EFCAB12: variants seen among roughly 807,000 people sequenced by gnomAD.
The protein encoded by EFCAB12 is EF-hand calcium binding domain 12.
EFCAB12 carries 43 observed loss-of-function variants against 53.6 expected under a neutral mutation model. The ratio of observed to expected loss-of-function variants is 0.80; its 90% CI spans 0.63 to 1.03. The LOEUF (loss-of-function observed/expected upper bound fraction) is 1.03, where lower values mean the gene tolerates loss of function less well. Ranked by LOEUF, EFCAB12 falls within the 50% of genes least tolerant of loss-of-function variation. The pLI, the probability that EFCAB12 is intolerant of heterozygous loss-of-function variation, is 0.00. For missense variants in EFCAB12, 646 were observed against 730.6 expected (o/e 0.88, Z 1.34); for synonymous variants, 269 against 289.2 (o/e 0.93, Z 0.71).
intron 4 of EFCAB12, chr3:129,413,590 C>T (rs2072074782): frequency 1.3e-5 from 2 of 152,226 alleles, no homozygotes; most frequent in Non-Finnish European, 2.9e-5. Context: ...AACAAAGAGA[C>T]AGAGAAGCAG....
At position 129,411,240 on chromosome 3, in the gene EFCAB12, G is replaced by A. The variant is rs757909257; in HGVS notation, c.953C>T (p.Thr318Met). 7.6e-5 allele frequency: 122 copies of A among 1,613,704 alleles called. No individual in the cohort carries two copies. The highest frequency in any genetic ancestry group is 1.6e-4 in the Middle Eastern group (1 of 6,084). The stretch of plus-strand genomic sequence containing the variant: ...GGTCATGGGCCGCGTCTCCATCTGC[G>A]TGTCGACTGCAGGCACCGTCAGTAG... ...VDLLTVPAVD[T>M]QMETRPMTLE... The change falls in exon 5 of 9, where the codon ACG becomes ATG. Residue 318 changes from threonine (T) to methionine (M), a missense_variant. Coordinates refer to ENST00000505956, the MANE Select transcript of EFCAB12 (RefSeq NM_207307.3).
intron 1 of EFCAB12, among the ~76,000 whole-genome samples, chr3:129,425,524 C>G (rs1456125169): frequency 6.6e-6 from 1 of 152,092 alleles, no homozygotes; most frequent in African/African-American, 2.4e-5. Flanking sequence ...AAGAGCACTG[C>G]ATTCCCCAGG....
rs1450657989 is a variant in EFCAB12, at chr3:129,408,733, G to C, written c.1161C>G (p.Ala387=). 1 of 1,585,942 alleles carries C rather than the reference G, an allele frequency of 6.3e-7. No homozygotes were observed. Among genetic ancestry groups the C allele is most frequent in the East Asian group, 2.3e-5 (1 of 43,590 alleles). The change falls in exon 6 of 9, where the codon GCC becomes GCG. Residue 387 remains alanine, a synonymous_variant. Coordinates refer to ENST00000505956, the MANE Select transcript of EFCAB12 (RefSeq NM_207307.3). ...GGTAGACCAGAAAGTTGTGCCTGCGGGCCGAGTCAATGAGCTCCCTCATAT... is the reference window on the plus strand; with the variant it reads ...GGTAGACCAGAAAGTTGTGCCTGCGCGCCGAGTCAATGAGCTCCCTCATAT... ...HGDMRELIDS[A]RRHNFLVYLQ...
In EFCAB12 at chr3:129,401,841, C is replaced by T. The variant is rs144690112; in HGVS notation, c.1471G>A (p.Val491Met). The change falls in exon 9 of 9, where the codon GTG becomes ATG. Residue 491 changes from valine to methionine, a missense_variant. Val to Met is a conservative substitution (Grantham distance 21). Coordinates refer to ENST00000505956, the MANE Select transcript of EFCAB12 (RefSeq NM_207307.3). ...EFEEFTRKLK[V>M]KRSSGLQQTH... is the part of the protein sequence containing the mutation. ...TGCTGCAGACCACTGGACCTCTTCA[C>T]CTTCAGCTTCCTGGAAAACAAGAAG... 1.2e-6 allele frequency: 2 copies of T among 1,611,168 alleles called. No individual in the cohort carries two copies. The highest frequency in any genetic ancestry group is 1.7e-6 in the Non-Finnish European group (2 of 1,177,782).
intron 4 of EFCAB12, chr3:129,415,041 A>G (rs1184733801): frequency 3.9e-6 from 2 of 509,342 alleles, no homozygotes; most frequent in Non-Finnish European, 6.6e-6. Context: ...GAATGGACAC[A>G]GTGGTAGCTG....
chr3:129,410,523 G>T (rs2072022906), intron 5 of EFCAB12, among the ~76,000 whole-genome samples: 1 of 152,068 alleles, frequency 6.6e-6, no homozygotes, highest in Admixed American at 6.6e-5. Context: ...TCCCTATGTT[G>T]CCTAGGATGG....
At chr3:129,425,009 A>C (rs1210676311) in intron 1 of EFCAB12, among the ~76,000 whole-genome samples, 1 of 152,166 alleles carries the variant, frequency 6.6e-6, no homozygotes, top group East Asian at 1.9e-4. Context: ...GGGAAAGGTC[A>C]GGAGTGGGAT....
chr3:129,405,856 T>C (rs1443013952), intron 6 of EFCAB12, among the ~76,000 whole-genome samples: 2 of 152,192 alleles, frequency 1.3e-5, no homozygotes, highest in African/African-American at 4.8e-5. Flanking sequence ...GATGCTCCTG[T>C]GTGCCCATGA....
At chr3:129,423,446 G>A (rs2072213804) in intron 1 of EFCAB12, among the ~76,000 whole-genome samples, 1 of 151,796 alleles carries the variant, frequency 6.6e-6, no homozygotes, top group African/African-American at 2.4e-5. Flanking sequence ...GGGCAAAATA[G>A]TGAGACCTCA....
rs141061604 is a variant in EFCAB12, at chr3:129,423,125, G to GT, written c.50-1323dup. The stretch of plus-strand genomic sequence containing the variant: ...GCCTAGAGAGGCCCAAGGTCACTCA[G>GT]TTGATTAGTAGCAGAGCTGAGACAT... On this transcript the variant is annotated intron_variant, in intron 1 of 8. Coordinates refer to ENST00000505956, the MANE Select transcript of EFCAB12 (RefSeq NM_207307.3). Among the ~76,000 whole-genome samples the GT allele has an allele frequency of 3.4e-3, 511 of 152,350 alleles. 9 individuals are homozygous for GT. Among genetic ancestry groups the GT allele is most frequent in the African/African-American group, 0.01 (423 of 41,584 alleles).
At chr3:129,414,254 T>A (rs933261699) in intron 4 of EFCAB12, 2 of 152,244 alleles carry the variant, frequency 1.3e-5, no homozygotes, top group African/African-American at 4.8e-5. Context: ...GAGGAATGGA[T>A]GCTCTGAGCT....
At chr3:129,425,917 A>T (rs2072265113) in intron 1 of EFCAB12, among the ~76,000 whole-genome samples, 1 of 152,184 alleles carries the variant, frequency 6.6e-6, no homozygotes. Flanking sequence ...ACTGCTAGAA[A>T]ATATTTCCTT....
chr3:129,419,266 T>G (rs1373710714), intron 2 of EFCAB12, among the ~76,000 whole-genome samples: 2 of 152,222 alleles, frequency 1.3e-5, no homozygotes, highest in African/African-American at 2.4e-5. Flanking sequence ...TATAATTAAT[T>G]TACATTATTA....
chr3:129,415,273 T>C lies in EFCAB12; in HGVS notation c.810A>G (p.Gln270=), dbSNP rs1470827424. Residue 270 remains glutamine, a synonymous_variant, in exon 4 of 9, where the codon CAA becomes CAG. Transcript: ENST00000505956. ...CCCTTGCAGTGGCCAGGCTGCTCCT[T>C]TGCTGAGCCATAGACCACTGCTTGT... ...NTYKQWSMAQ[Q]RSSLATAREH... 1.9e-6 allele frequency: 3 copies of C among 1,611,108 alleles called. No homozygotes were observed. In the South Asian group the frequency reaches 3.3e-5, roughly 18 times the overall value.
intron 7 of EFCAB12, 24 bp downstream of exon 7, chr3:129,404,226 G>C (rs1206716057): frequency 7.5e-6 from 12 of 1,606,378 alleles, no homozygotes; most frequent in Non-Finnish European, 7.7e-6. Context: ...CCAAGGCAGG[G>C]AGAAAGGGGG....
chr3:129,425,838 C>G (rs2072264261), intron 1 of EFCAB12, among the ~76,000 whole-genome samples: 1 of 152,250 alleles, frequency 6.6e-6, no homozygotes, highest in Non-Finnish European at 1.5e-5. Context: ...CACTGGCAGA[C>G]TTTGCCTCTG....
chr3:129,412,423 T>C (rs1039166551), intron 4 of EFCAB12: 3 of 100,334 alleles, frequency 3.0e-5, no homozygotes, highest in Non-Finnish European at 5.4e-5. Flanking sequence ...TATGTGTAGA[T>C]GGATGGATAG....
chr3:129,424,624 C>T (rs548227832), intron 1 of EFCAB12, among the ~76,000 whole-genome samples: 61 of 152,340 alleles, frequency 4.0e-4, no homozygotes, highest in African/African-American at 1.4e-3. Context: ...AATGCTAGAA[C>T]AGATATTACA....
rs745625673 is a variant in EFCAB12 at position 129,415,415 on chromosome 3, A to G, written c.682-14T>C. ...AGGGACTCCGACCTGAGGAGAGAGA[A>G]GACCTTCAGACTAGCAGGCTCCCAT... is the stretch of plus-strand genomic sequence containing the variant. On this transcript the variant is annotated splice_polypyrimidine_tract_variant and intron_variant, in intron 3 of 8. Coordinates refer to ENST00000505956, the MANE Select transcript of EFCAB12 (RefSeq NM_207307.3). The G allele has an allele frequency of 2.5e-6, 4 of 1,613,144 alleles. No individual in the cohort carries two copies. The African/African-American group carries it at 5.3e-5, about 22-fold the overall frequency.
Sources: allele counts gnomAD v4.1 joint callset (sites outside exome capture counted in the v4.1 genomes callset), GRCh38; gene constraint gnomAD v4.1.1; transcripts MANE v1.5; gene names NCBI Gene and HGNC (gene_info 2026-07-23, HGNC 2026-07-21).